Variants in GLIPR2 observed in about 807,000 individuals in gnomAD.
GLIPR2 encodes the protein Golgi-associated plant pathogenesis-related protein 1.
Under a neutral mutation model 20.4 loss-of-function variants are expected in GLIPR2, and 21 were observed. The observed-to-expected ratio is 1.03, with a 90% CI of 0.73 to 1.48. The LOEUF (loss-of-function observed/expected upper bound fraction) is 1.48, where lower values mean the gene tolerates loss of function less well. Among genes scored for constraint, GLIPR2 ranks in the 40% most tolerant of loss-of-function variants. The pLI is 0.00. For synonymous variants in GLIPR2, 91 were observed against 80.5 expected, an observed-to-expected ratio of 1.13 and a Z score of -0.70; for missense variants, 205 against 200.1, an observed-to-expected ratio of 1.02 and a Z score of -0.15.
In GLIPR2 at chr9:36,136,920, G is replaced by T; in HGVS notation, c.13+129G>T. On this transcript the variant is annotated intron_variant, in intron 1 of 4. Coordinates refer to ENST00000377960, the MANE Select transcript of GLIPR2 (RefSeq NM_022343.4). The surrounding 1 kb of genome is among the most constrained non-coding windows in gnomAD (Gnocchi z 4.3). Reference sequence around the variant, plus strand: ...AGCCCGGGGTGCGGGTGGAGGGCGCGCGGGCGGAGCGCCCCGGCGCGGTTT... The same window carrying T: ...AGCCCGGGGTGCGGGTGGAGGGCGCTCGGGCGGAGCGCCCCGGCGCGGTTT... The T allele has an allele frequency of 9.3e-7, 1 of 1,075,026 alleles. No homozygotes were observed. Among genetic ancestry groups the T allele is most frequent in the Non-Finnish European group, 1.2e-6 (1 of 845,486 alleles). The allele number at this position is 1,075,026 out of a possible 1,614,324, so 66.6% of individuals were successfully genotyped here. A position where few individuals can be genotyped will look rare whatever the true frequency, so the allele number is the denominator to read the frequency against.
At chr9:36,142,184 T>C (rs148901727) in intron 1 of GLIPR2, among the ~76,000 whole-genome samples, 1 of 152,124 alleles carries the variant, frequency 6.6e-6, no homozygotes. Flanking sequence ...ACTTCAGAGA[T>C]CTGAAGTCAG....
intron 2 of GLIPR2, among the ~76,000 whole-genome samples, chr9:36,148,125 G>A (rs919399419): frequency 1.3e-5 from 2 of 152,208 alleles, no homozygotes; most frequent in African/African-American, 4.8e-5. Flanking sequence ...GCATGGGCCT[G>A]TAGTCCCAGC....
Position 36,148,602 on chromosome 9 carries a change from C to T in GLIPR2, c.178C>T (p.Arg60Cys), listed in dbSNP as rs1825442321. 8 of 1,614,138 alleles carry T rather than the reference C, an allele frequency of 5.0e-6. No individual in the cohort carries two copies. The highest frequency in any genetic ancestry group is 3.3e-5 in the South Asian group (3 of 91,074). Residue 60 changes from arginine (R) to cysteine (C), a missense_variant, in exon 3 of 5, where the codon CGT (arginine) becomes TGT (cysteine). Physicochemically the swap from Arg to Cys is radical, Grantham distance 180. Transcript: ENST00000377960. The stretch of plus-strand genomic sequence containing the variant: ...CCTCAAGCACAGCCCGGAGTCCAGC[C>T]GTGGCCAGTGTGGGGAGAACCTTGC... Reference protein sequence around the residue: ...RILKHSPESSRGQCGENLAWA... With the variant: ...RILKHSPESSCGQCGENLAWA...
At chr9:36,162,320 T>G in intron 4 of GLIPR2, 42 bp from the exon 5 acceptor site, 1 of 1,600,858 alleles carries the variant, frequency 6.2e-7, no homozygotes, top group Non-Finnish European at 8.5e-7. Context: ...CAGGCTCTGC[T>G]AATTCAGCCG....
chr9:36,154,083 T>TTATATATTA (rs1554646385), intron 4 of GLIPR2, among the ~76,000 whole-genome samples: 43 of 85,654 alleles, frequency 5.0e-4, no homozygotes, highest in African/African-American at 1.5e-3. Flanking sequence ...ATATTATATA[T>TTATATATTA]TATATATATA....
chr9:36,146,629 A>T (rs147785522), intron 1 of GLIPR2, among the ~76,000 whole-genome samples: 78 of 152,374 alleles, frequency 5.1e-4, no homozygotes, highest in African/African-American at 1.7e-3. Context: ...CATAGGATAG[A>T]TACTCTCATT....
At position 36,162,996 on chromosome 9, in the gene GLIPR2, A is replaced by T; in HGVS notation, c.*474A>T. On this transcript the variant is annotated 3_prime_UTR_variant, in exon 5 of 5. Transcript: ENST00000377960. The stretch of plus-strand genomic sequence containing the variant: ...TGTGACATAAAATACAGCTTTAAGC[A>T]CATAAATACAAAGCAGCTTCCATCA... The T allele has an allele frequency of 2.3e-6, 1 of 433,332 alleles. No homozygotes were observed. The highest frequency in any genetic ancestry group is 2.8e-5 in the Admixed American group (1 of 35,910). The allele number at this position is 433,332 out of a possible 1,614,324, so 26.8% of individuals were successfully genotyped here.
intron 1 of GLIPR2, among the ~76,000 whole-genome samples, chr9:36,143,727 C>T (rs1825193838): frequency 6.6e-6 from 1 of 152,212 alleles, no homozygotes; most frequent in African/African-American, 2.4e-5. Flanking sequence ...GGTCCTCTGA[C>T]TCTCAGGCCT....
intron 1 of GLIPR2, among the ~76,000 whole-genome samples, chr9:36,143,580 C>T (rs1359535161): frequency 6.6e-6 from 1 of 152,226 alleles, no homozygotes; most frequent in Admixed American, 6.5e-5. Flanking sequence ...CACACTCACA[C>T]TCGTTCTGAT....
At chr9:36,146,851 T>C (rs1336214662) in intron 1 of GLIPR2, among the ~76,000 whole-genome samples, 1 of 152,148 alleles carries the variant, frequency 6.6e-6, no homozygotes, top group Non-Finnish European at 1.5e-5. Flanking sequence ...GGTGGAAGCC[T>C]CGTGCTTGCA....
intron 1 of GLIPR2, among the ~76,000 whole-genome samples, chr9:36,143,572 C>T (rs568236146): frequency 6.6e-6 from 1 of 152,336 alleles, no homozygotes; most frequent in South Asian, 2.1e-4. Context: ...CTTTCCCGCA[C>T]ACTCACACTC....
chr9:36,161,251 G>C (rs535984241), intron 4 of GLIPR2, among the ~76,000 whole-genome samples: 1 of 152,044 alleles, frequency 6.6e-6, no homozygotes. Flanking sequence ...GAAGAGGAGG[G>C]ATGCAGACTC....
chr9:36,159,019 C>T (rs923628795), intron 4 of GLIPR2, among the ~76,000 whole-genome samples: 1 of 152,072 alleles, frequency 6.6e-6, no homozygotes. Flanking sequence ...GAGCTACGAT[C>T]GCGCCACTGC....
chr9:36,144,089 G>A (rs1200866404), intron 1 of GLIPR2, among the ~76,000 whole-genome samples: 2 of 152,208 alleles, frequency 1.3e-5, no homozygotes, highest in East Asian at 1.9e-4. Context: ...GAAGCAGCCC[G>A]TGGCCCAAGA....
chr9:36,147,666 G>C, intron 1 of GLIPR2, 120 bp from the exon 2 acceptor site: 1 of 688,622 alleles, frequency 1.5e-6, no homozygotes, highest in Non-Finnish European at 2.7e-6. Context: ...TGTTGGAGGG[G>C]AGCAGCAGCC....
chr9:36,159,269 G>T (rs947936987), intron 4 of GLIPR2, among the ~76,000 whole-genome samples: 1 of 152,162 alleles, frequency 6.6e-6, no homozygotes, highest in Non-Finnish European at 1.5e-5. Context: ...TGGAGCAGTA[G>T]CTTGAAAAGG....
intron 4 of GLIPR2, among the ~76,000 whole-genome samples, chr9:36,152,308 T>A (rs1825619733): frequency 6.6e-6 from 1 of 152,194 alleles, no homozygotes. Context: ...CTTCTTTTAA[T>A]AGAGATGGTG....
chr9:36,154,410 G>A (rs543341372), intron 4 of GLIPR2, among the ~76,000 whole-genome samples: 10 of 152,112 alleles, frequency 6.6e-5, no homozygotes, highest in Admixed American at 3.3e-4. Context: ...TCCCTTTTCC[G>A]CACGCTGGTG....
Position 36,157,683 on chromosome 9 carries a change from AACACAC to A in GLIPR2, c.305-4653_305-4648del, listed in dbSNP as rs567476723. On this transcript the variant is annotated intron_variant, in intron 4 of 4. Transcript: ENST00000377960. ...TTTTAAAGCTGAATAATATCTGTTA[AACACAC>A]ACACACACACACACACACACACACA... 3.9e-3 allele frequency among the ~76,000 whole-genome samples: 575 copies of A among 146,330 alleles called. 3 individuals carry two copies. Among genetic ancestry groups the A allele is most frequent in the African/African-American group, 0.014 (548 of 39,774 alleles).
Sources: allele counts gnomAD v4.1 joint callset (sites outside exome capture counted in the v4.1 genomes callset), GRCh38; gene constraint gnomAD v4.1.1; non-coding constraint Gnocchi (gnomAD v3.1); transcripts MANE v1.5; gene names NCBI Gene and HGNC (gene_info 2026-07-23, HGNC 2026-07-21).